CRACD: variants seen among roughly 807,000 people sequenced by gnomAD.
CRACD encodes the protein capping protein inhibiting regulator of actin dynamics.
Under a neutral mutation model 106.8 loss-of-function variants are expected in CRACD, and 56 were observed. That is an observed-to-expected ratio of 0.52 (90% confidence interval 0.42 to 0.66). The LOEUF (loss-of-function observed/expected upper bound fraction) is 0.66, where lower values mean the gene tolerates loss of function less well. Among genes scored for constraint, CRACD ranks in the 30% least tolerant of loss-of-function variants. CRACD has a pLI of 0.00. For synonymous variants in CRACD, 754 were observed against 670.8 expected (o/e 1.12, Z -1.92); for missense variants, 1,730 against 1,623.2 (o/e 1.07, Z -1.13).
At chr4:56,150,919 T>G (rs1577695162) in intron 1 of CRACD, among the ~76,000 whole-genome samples, 1 of 152,234 alleles carries the variant, frequency 6.6e-6, no homozygotes, top group Non-Finnish European at 1.5e-5. Flanking sequence ...TTTTATTAGA[T>G]AGTGCCGAAC....
At chr4:56,104,738 C>T (rs1186365627) in intron 1 of CRACD, among the ~76,000 whole-genome samples, 2 of 152,034 alleles carry the variant, frequency 1.3e-5, no homozygotes, top group East Asian at 1.9e-4. Flanking sequence ...GAGGCTGAGG[C>T]GGGCGGATCA....
intron 2 of CRACD, among the ~76,000 whole-genome samples, chr4:56,223,976 C>T (rs1739174543): frequency 6.6e-6 from 1 of 152,088 alleles, no homozygotes; most frequent in African/African-American, 2.4e-5. Flanking sequence ...CCAAGCTGGT[C>T]TTGGATTCCT....
intron 1 of CRACD, among the ~76,000 whole-genome samples, chr4:56,130,831 T>C (rs1734804314): frequency 6.6e-6 from 1 of 152,158 alleles, no homozygotes; most frequent in East Asian, 1.9e-4. Flanking sequence ...TCCTTCTCTC[T>C]CCCTGTCTTC....
chr4:56,313,854 C>T (rs1745315546), intron 7 of CRACD, among the ~76,000 whole-genome samples, 186 bp from the exon 8 acceptor site: 1 of 151,974 alleles, frequency 6.6e-6, no homozygotes, highest in Non-Finnish European at 1.5e-5. Flanking sequence ...GTCCTTTTCT[C>T]CATTCGCACG....
chr4:56,138,328 A>G (rs1735075662), intron 1 of CRACD, among the ~76,000 whole-genome samples: 2 of 152,054 alleles, frequency 1.3e-5, no homozygotes, highest in South Asian at 2.1e-4. Context: ...GCTGGGTGTA[A>G]TGGTGTGTGC....
chr4:56,132,733 T>G (rs1055206423), intron 1 of CRACD, among the ~76,000 whole-genome samples: 1 of 152,176 alleles, frequency 6.6e-6, no homozygotes, highest in African/African-American at 2.4e-5. Context: ...GGCAGACACA[T>G]CATTTCCAAA....
chr4:56,246,115 AGCCAGCTCTCATGATATGCAGT>A (rs1395298770), intron 2 of CRACD, among the ~76,000 whole-genome samples: 3 of 152,190 alleles, frequency 2.0e-5, no homozygotes, highest in Non-Finnish European at 4.4e-5. Flanking sequence ...CTGTGCTCTC[AGCCAGCTCTCATGATATGCAGT>A]GTGGTTCTCA....
Position 56,216,875 on chromosome 4 carries a change from G to A in CRACD, c.-189+37445G>A, listed in dbSNP as rs550806015. 1.1e-4 allele frequency among the ~76,000 whole-genome samples: 17 copies of A among 150,918 alleles called. No homozygotes were observed. The East Asian group carries it at 1.9e-3, about 17-fold the overall frequency. On this transcript the variant is annotated intron_variant, in intron 2 of 10. Transcript: ENST00000682029. ...GGCACCTGTAGTCCCAGCTACTCGG[G>A]AGGCTGAGGCAGGAGAATGGCGTGA...
chr4:56,061,762 T>TA (rs1732286712), intron 1 of CRACD, among the ~76,000 whole-genome samples: 1 of 152,260 alleles, frequency 6.6e-6, no homozygotes, highest in South Asian at 2.1e-4. Flanking sequence ...TGTTTCTAGA[T>TA]AGAGTAGCCC....
intron 2 of CRACD, among the ~76,000 whole-genome samples, chr4:56,239,157 G>A (rs1740200454): frequency 6.6e-6 from 1 of 152,058 alleles, no homozygotes; most frequent in Non-Finnish European, 1.5e-5. Flanking sequence ...GCTGGGTATG[G>A]TGGTACGTGC....
At position 56,302,723 on chromosome 4, in the gene CRACD, T is replaced by C. The variant is rs139868971; in HGVS notation, c.120+4374T>C. ...CTCAAAAAGACAGCAACTTTACTTA[T>C]TTATTTTTTTCTGCTTTGCTCTTTA... On this transcript the variant is annotated intron_variant, in intron 4 of 10. Transcript: ENST00000682029. Among the ~76,000 whole-genome samples, 710 of 152,318 alleles carry C rather than the reference T, an allele frequency of 4.7e-3. 2 individuals carry two copies. Among genetic ancestry groups the C allele is most frequent in the African/African-American group, 0.016 (680 of 41,568 alleles).
In CRACD at chr4:56,329,563, C is replaced by G. The variant is rs1227797555; in HGVS notation, c.*1759C>G. Among the ~76,000 whole-genome samples, 3 of 152,138 alleles carry G rather than the reference C, an allele frequency of 2.0e-5. No homozygotes were observed. The highest frequency in any genetic ancestry group is 4.4e-5 in the Non-Finnish European group (3 of 68,030). On this transcript the variant is annotated 3_prime_UTR_variant, in exon 11 of 11. Transcript: ENST00000682029. ...GGATTTAATATCATATATACTGGACCTTCAGACTGTTAAAAATCAATGTAA... is the reference window on the plus strand; with the variant it reads ...GGATTTAATATCATATATACTGGACGTTCAGACTGTTAAAAATCAATGTAA...
chr4:56,103,886 T>TA (rs1733859110), intron 1 of CRACD, among the ~76,000 whole-genome samples: 1 of 152,198 alleles, frequency 6.6e-6, no homozygotes, highest in Non-Finnish European at 1.5e-5. Flanking sequence ...GTTCAAGTGA[T>TA]TCTCCTGCCT....
chr4:56,286,313 A>G (rs1560518317), intron 3 of CRACD, among the ~76,000 whole-genome samples: 1 of 151,798 alleles, frequency 6.6e-6, no homozygotes, highest in Non-Finnish European at 1.5e-5. Context: ...GAATCTCTGG[A>G]ACCCCAGAGG....
intron 1 of CRACD, among the ~76,000 whole-genome samples, chr4:56,159,600 C>T (rs1232811373): frequency 6.6e-6 from 1 of 152,008 alleles, no homozygotes; most frequent in Non-Finnish European, 1.5e-5. Context: ...TGCAGTGAGC[C>T]AAGATCGTGC....
intron 1 of CRACD, among the ~76,000 whole-genome samples, chr4:56,155,495 T>C (rs1324557719): frequency 6.6e-6 from 1 of 152,220 alleles, no homozygotes; most frequent in Admixed American, 6.5e-5. Flanking sequence ...AAACATTGCA[T>C]TGGCAAACAT....
chr4:56,289,480 T>G (rs1248080526), intron 3 of CRACD, among the ~76,000 whole-genome samples: 2 of 152,050 alleles, frequency 1.3e-5, no homozygotes, highest in Non-Finnish European at 2.9e-5. Flanking sequence ...GAGACCAGCC[T>G]GGGCAACATG....
intron 4 of CRACD, among the ~76,000 whole-genome samples, chr4:56,301,037 T>C (rs897283412): frequency 6.6e-6 from 1 of 152,264 alleles, no homozygotes; most frequent in African/African-American, 2.4e-5. Context: ...CTGCCTAGTT[T>C]TGCTTCCGCT....
At chr4:56,067,236 C>A (rs1732492910) in intron 1 of CRACD, among the ~76,000 whole-genome samples, 1 of 151,930 alleles carries the variant, frequency 6.6e-6, no homozygotes, top group African/African-American at 2.4e-5. Context: ...TTCTTCTGCA[C>A]AGAAAATCCA....
Sources: allele counts gnomAD v4.1 joint callset (sites outside exome capture counted in the v4.1 genomes callset), GRCh38; gene constraint gnomAD v4.1.1; transcripts MANE v1.5; gene names NCBI Gene and HGNC (gene_info 2026-07-23, HGNC 2026-07-21).